ATP8A2: variants seen among roughly 807,000 people sequenced by gnomAD.
ATP8A2 encodes phospholipid-transporting ATPase IB.
ATP8A2 carries 100 observed loss-of-function variants against 165.6 expected under a neutral mutation model. The observed-to-expected ratio is 0.60, with a 90% CI of 0.51 to 0.71. The LOEUF is 0.71. ATP8A2 is among the 30% of genes least tolerant of loss of function. ATP8A2 has a pLI of 0.00. For missense variants in ATP8A2, 1,227 were observed against 1,479.5 expected, an observed-to-expected ratio of 0.83 and a Z score of 2.80; for synonymous variants, 543 against 548.8, an observed-to-expected ratio of 0.99 and a Z score of 0.15.
At chr13:25,469,193 G>A (rs1229677270) in intron 2 of ATP8A2, 72 bp downstream of exon 2, 2 of 1,552,450 alleles carry the variant, frequency 1.3e-6, no homozygotes. Flanking sequence ...CCTCCTGCGC[G>A]GGGCTTGGCC....
intron 19 of ATP8A2, 114 bp downstream of exon 19, chr13:25,574,971 A>G: frequency 7.5e-6 from 4 of 531,048 alleles, no homozygotes. Context: ...AGTATTAAAT[A>G]TAATAAATGT....
rs74530199 is a variant in ATP8A2 at position 25,372,971 on chromosome 13, A to G, written c.76+683A>G. Reference sequence around the variant, plus strand: ...GCCTGGGTGTTGGAACTCGAAACCTAAAGCCAAACACGCATGTACCATACC... The same window carrying G: ...GCCTGGGTGTTGGAACTCGAAACCTGAAGCCAAACACGCATGTACCATACC... On this transcript the variant is annotated intron_variant, in intron 1 of 36. Transcript: ENST00000381655. This position sits in a 1 kb window ranked among gnomAD's most constrained non-coding sequence, Gnocchi z 4.8. Among the ~76,000 whole-genome samples the G allele has an allele frequency of 5.0e-3, 768 of 152,272 alleles. 32 individuals carry two copies. In the East Asian group the frequency reaches 0.1, roughly 20 times the overall value.
At chr13:25,867,128 A>G (rs989365722) in intron 33 of ATP8A2, among the ~76,000 whole-genome samples, 7 of 147,578 alleles carry the variant, frequency 4.7e-5, no homozygotes, top group Admixed American at 6.9e-5. Context: ...CAGTTTCTGG[A>G]CTGGGACAGG....
intron 33 of ATP8A2, among the ~76,000 whole-genome samples, chr13:25,901,210 T>G (rs9553670): frequency 0.055 from 8,343 of 152,210 alleles, 352 homozygotes; most frequent in East Asian, 0.18. Flanking sequence ...CAAACTGCAT[T>G]GTACTGGAAG....
chr13:25,598,649 T>G lies in ATP8A2; in HGVS notation c.2211+8950T>G, dbSNP rs112830285. Among the ~76,000 whole-genome samples the G allele has an allele frequency of 1.2e-3, 180 of 152,280 alleles. 3 individuals are homozygous for G. The highest frequency in any genetic ancestry group is 4.0e-3 in the African/African-American group (167 of 41,568). On this transcript the variant is annotated intron_variant, in intron 24 of 36. Coordinates refer to ENST00000381655, the MANE Select transcript of ATP8A2 (RefSeq NM_016529.6). ...TGTATTTATGCATTCCTTTTAATCC[T>G]TTAATATTGTTATGATAGCTCATTT... is the stretch of plus-strand genomic sequence containing the variant.
At chr13:25,510,174 AACACACACACACACACACACACAC>A (rs57755000) in intron 2 of ATP8A2, among the ~76,000 whole-genome samples, 2 of 128,494 alleles carry the variant, frequency 1.6e-5, no homozygotes, top group African/African-American at 3.0e-5. Flanking sequence ...GTCTGTCTGT[AACACACACACACACACACACACAC>A]ACACACACAC....
intron 2 of ATP8A2, among the ~76,000 whole-genome samples, chr13:25,516,783 CT>C (rs770018909): frequency 1.2e-3 from 169 of 135,818 alleles, no homozygotes; most frequent in Middle Eastern, 3.8e-3. Context: ...TTCTTTCTTA[CT>C]TTTTTTTTTT....
chr13:25,407,510 G>A (rs1238657705), intron 1 of ATP8A2, among the ~76,000 whole-genome samples: 1 of 152,166 alleles, frequency 6.6e-6, no homozygotes, highest in Non-Finnish European at 1.5e-5. Context: ...CAAATATTCA[G>A]TGAAGTCAGT....
chr13:25,743,761 A>T (rs1451635032), intron 25 of ATP8A2, among the ~76,000 whole-genome samples: 1 of 152,238 alleles, frequency 6.6e-6, no homozygotes, highest in Non-Finnish European at 1.5e-5. Context: ...GATCAGTTTC[A>T]TCCACTTCAC....
chr13:25,844,403 G>A (rs1473102206), intron 30 of ATP8A2, among the ~76,000 whole-genome samples: 2 of 152,034 alleles, frequency 1.3e-5, no homozygotes, highest in African/African-American at 4.8e-5. Context: ...GCTAATTTTT[G>A]TATTTTTAGT....
chr13:25,623,488 CT>C (rs1212745160), intron 24 of ATP8A2, among the ~76,000 whole-genome samples: 9 of 152,030 alleles, frequency 5.9e-5, no homozygotes, highest in Admixed American at 2.6e-4. Context: ...GGTTTTCCAC[CT>C]TTTTTTGTGT....
chr13:25,526,267 G>T (rs1460465233), intron 2 of ATP8A2, among the ~76,000 whole-genome samples: 2 of 152,020 alleles, frequency 1.3e-5, no homozygotes, highest in African/African-American at 4.8e-5. Flanking sequence ...TCTTCAGAGA[G>T]CTCACATATC....
chr13:25,503,475 G>A (rs1340994563), intron 2 of ATP8A2, among the ~76,000 whole-genome samples: 1 of 152,162 alleles, frequency 6.6e-6, no homozygotes, highest in Non-Finnish European at 1.5e-5. Flanking sequence ...TTCTAGGTGA[G>A]ACGCTTGGCA....
intron 34 of ATP8A2, 116 bp from the exon 35 acceptor site, chr13:25,968,459 A>T: frequency 1.2e-6 from 1 of 828,648 alleles, no homozygotes; most frequent in Non-Finnish European, 2.0e-6. Flanking sequence ...CCACTTCCCG[A>T]GCCTCGGCCT....
chr13:25,537,396 T>C (rs951132), intron 6 of ATP8A2, among the ~76,000 whole-genome samples: 41,606 of 152,166 alleles, frequency 0.27, 6,802 homozygotes, highest in Middle Eastern at 0.4. Context: ...GATCAAGTTA[T>C]TTTGTTTTCT....
intron 24 of ATP8A2, among the ~76,000 whole-genome samples, chr13:25,647,202 A>G (rs1393429838): frequency 6.6e-6 from 1 of 152,226 alleles, no homozygotes; most frequent in Non-Finnish European, 1.5e-5. Context: ...TATTACTTAT[A>G]CCATTAACTA....
At chr13:25,802,317 C>G (rs934322226) in intron 27 of ATP8A2, among the ~76,000 whole-genome samples, 2 of 152,042 alleles carry the variant, frequency 1.3e-5, no homozygotes, top group African/African-American at 4.8e-5. Flanking sequence ...GCTTGAAGAC[C>G]AGCAGCTACA....
chr13:25,372,428 C>A lies in ATP8A2; in HGVS notation c.76+140C>A. ...CCTGGGCTCTCTGGGCTGCAGGATC[C>A]GCCGACGCGGCGCGCTGGCCGCACG... On this transcript the variant is annotated intron_variant, in intron 1 of 36. Transcript: ENST00000381655. The surrounding 1 kb of genome is among the most constrained non-coding windows in gnomAD (Gnocchi z 4.8). 4 of 578,980 alleles carry A rather than the reference C, an allele frequency of 6.9e-6. No individual in the cohort carries two copies. The highest frequency in any genetic ancestry group is 1.0e-5 in the Non-Finnish European group (4 of 392,676). 35.9% of individuals were successfully genotyped at this position (578,980 alleles called of 1,614,324 possible). A position where few individuals can be genotyped will look rare whatever the true frequency, so the allele number is the denominator to read the frequency against.
At position 25,763,815 on chromosome 13, in the gene ATP8A2, A is replaced by G. The variant is rs1038466623; in HGVS notation, c.2385-5231A>G. Among the ~76,000 whole-genome samples, 8 of 152,328 alleles carry G rather than the reference A, an allele frequency of 5.3e-5. No homozygotes were observed. The East Asian group carries it at 1.5e-3, about 29-fold the overall frequency. Reference sequence around the variant, plus strand: ...GACACCTGGGTTGTGTCCTGCACAAATGTACTAAATGCATCTGAAGAAAGA... The same window carrying G: ...GACACCTGGGTTGTGTCCTGCACAAGTGTACTAAATGCATCTGAAGAAAGA... On this transcript the variant is annotated intron_variant, in intron 25 of 36. Coordinates refer to ENST00000381655, the MANE Select transcript of ATP8A2 (RefSeq NM_016529.6).
Sources: gnomAD v4.1 joint callset for allele counts (sites outside exome capture counted in the v4.1 genomes callset) on GRCh38, gnomAD v4.1.1 for gene constraint, Gnocchi (gnomAD v3.1) non-coding constraint, MANE v1.5 for transcripts, NCBI Gene and HGNC (gene_info 2026-07-23, HGNC 2026-07-21) for gene names.